The following SAMD8 variants were observed in gnomAD, a reference collection of about 807,000 sequenced individuals.
SAMD8 encodes the protein sterile alpha motif domain containing 8.
SAMD8 carries 20 observed loss-of-function variants against 42.0 expected under a neutral mutation model. That is an observed-to-expected ratio of 0.48 (90% CI 0.34 to 0.69). SAMD8 has a LOEUF of 0.69. SAMD8 is among the 30% of genes least tolerant of loss of function. The pLI, the probability that SAMD8 is intolerant of heterozygous loss-of-function variation, is 0.01. For synonymous variants in SAMD8, 162 were observed against 173.0 expected, an observed-to-expected ratio of 0.94 and a Z score of 0.50; for missense variants, 328 against 511.6, an observed-to-expected ratio of 0.64 and a Z score of 3.46.
At chr10:75,169,467 G>C (rs568504778) in intron 4 of SAMD8, among the ~76,000 whole-genome samples, 91 of 147,604 alleles carry the variant, frequency 6.2e-4, no homozygotes, top group Non-Finnish European at 1.1e-3. Context: ...GGGCAACAGA[G>C]CAAGACTCTG....
chr10:75,178,484 C>T lies in SAMD8; in HGVS notation c.*1792C>T, dbSNP rs371958705. 2.0e-5 allele frequency: 3 copies of T among 152,078 alleles called. No homozygotes were observed. The highest frequency in any genetic ancestry group is 6.6e-5 in the Admixed American group (1 of 15,256). The allele number at this position is 152,078 out of a possible 1,614,324, so 9.4% of individuals were successfully genotyped here. On this transcript the variant is annotated 3_prime_UTR_variant, in exon 6 of 6. Coordinates refer to ENST00000542569, the MANE Select transcript of SAMD8 (RefSeq NM_001174156.2). ...AAGATATGTTACTGTTATTTTTCTA[C>T]GTGACAGAACAGACTGAATTTAGCT...
At chr10:75,165,185 G>A (rs1840645848) in intron 3 of SAMD8, among the ~76,000 whole-genome samples, 2 of 152,188 alleles carry the variant, frequency 1.3e-5, no homozygotes, top group Non-Finnish European at 2.9e-5. Context: ...AGCTACTTGG[G>A]AGGCTGAGGC....
chr10:75,105,280 C>CA (rs1848424494), intron 1 of SAMD8, among the ~76,000 whole-genome samples: 1 of 152,170 alleles, frequency 6.6e-6, no homozygotes, highest in Non-Finnish European at 1.5e-5. Context: ...GGGGAGCCCC[C>CA]ACAGGCTTTC....
upstream of SAMD8, chr10:75,109,251 CAG>C: frequency 1.4e-6 from 2 of 1,410,806 alleles, no homozygotes; most frequent in Non-Finnish European, 1.9e-6. Flanking sequence ...GGACAGGTGA[CAG>C]AAGCAAGTGA....
At chr10:75,100,415 G>A (rs969324019) in intron 1 of SAMD8, among the ~76,000 whole-genome samples, 2 of 152,056 alleles carry the variant, frequency 1.3e-5, no homozygotes, top group African/African-American at 4.8e-5. Flanking sequence ...AGTCAGGCCC[G>A]GCCACCCCCC....
At chr10:75,126,721 A>G (rs1352256424) in intron 1 of SAMD8, among the ~76,000 whole-genome samples, 1 of 150,450 alleles carries the variant, frequency 6.6e-6, no homozygotes, top group East Asian at 2.0e-4. Context: ...GGCTAATTTC[A>G]AACTCCTAGG....
chr10:75,161,031 G>C (rs1840545494), intron 2 of SAMD8, among the ~76,000 whole-genome samples: 1 of 152,008 alleles, frequency 6.6e-6, no homozygotes, highest in Non-Finnish European at 1.5e-5. Flanking sequence ...TTGCGCCACT[G>C]TACTGCAGCC....
chr10:75,172,184 A>C (rs1166101091), intron 4 of SAMD8, among the ~76,000 whole-genome samples: 1 of 151,912 alleles, frequency 6.6e-6, no homozygotes, highest in East Asian at 1.9e-4. Flanking sequence ...TTATGTTCTT[A>C]TTTTTTTATA....
At chr10:75,170,908 G>A (rs1809954717) in intron 4 of SAMD8, among the ~76,000 whole-genome samples, 1 of 150,540 alleles carries the variant, frequency 6.6e-6, no homozygotes, top group Admixed American at 6.6e-5. Flanking sequence ...CGAGTAGCTG[G>A]GACCATCACA....
chr10:75,111,266 G>A (rs1848760511), upstream of SAMD8, among the ~76,000 whole-genome samples: 1 of 152,190 alleles, frequency 6.6e-6, no homozygotes, highest in South Asian at 2.1e-4. Flanking sequence ...CTCCTTCTAG[G>A]CCCTAACCCC....
chr10:75,133,523 T>C (rs755208603), intron 1 of SAMD8, among the ~76,000 whole-genome samples: 19 of 152,240 alleles, frequency 1.2e-4, no homozygotes, highest in Admixed American at 2.0e-4. Context: ...ATTGCAGCAC[T>C]ATTCACAATA....
intron 1 of SAMD8, among the ~76,000 whole-genome samples, chr10:75,119,887 G>T (rs1848965818): frequency 6.6e-6 from 1 of 152,108 alleles, no homozygotes; most frequent in Non-Finnish European, 1.5e-5. Context: ...CCAACATGGT[G>T]AAACCTCGTC....
At chr10:75,172,411 G>A (rs914348700) in intron 4 of SAMD8, among the ~76,000 whole-genome samples, 3 of 151,862 alleles carry the variant, frequency 2.0e-5, no homozygotes, top group Non-Finnish European at 4.4e-5. Flanking sequence ...ATAGCTCACT[G>A]TCAGCCTAAA....
chr10:75,127,531 A>G (rs1350684585), intron 1 of SAMD8, among the ~76,000 whole-genome samples: 1 of 152,222 alleles, frequency 6.6e-6, no homozygotes, highest in African/African-American at 2.4e-5. Flanking sequence ...CACGTAGAAC[A>G]GTTCCTCAGA....
At chr10:75,165,452 C>T (rs1236606523) in intron 3 of SAMD8, among the ~76,000 whole-genome samples, 5 of 151,720 alleles carry the variant, frequency 3.3e-5, no homozygotes, top group Non-Finnish European at 5.9e-5. Context: ...AGGCGGATCA[C>T]GAGGTCAGGA....
intron 1 of SAMD8, among the ~76,000 whole-genome samples, chr10:75,132,711 A>G (rs1482466281): frequency 2.6e-5 from 4 of 151,092 alleles, no homozygotes; most frequent in Admixed American, 1.3e-4. Flanking sequence ...TTTTTTTGCC[A>G]GCTATGGTGG....
chr10:75,168,427 CA>C (rs1401116819), intron 3 of SAMD8, 113 bp from the exon 4 acceptor site: 26 of 1,514,348 alleles, frequency 1.7e-5, no homozygotes, highest in Non-Finnish European at 2.3e-5. Context: ...CTGTCCTCTT[CA>C]AAGAGTCTAG....
At chr10:75,131,171 T>C (rs1849265860) in intron 1 of SAMD8, among the ~76,000 whole-genome samples, 1 of 152,232 alleles carries the variant, frequency 6.6e-6, no homozygotes, top group Non-Finnish European at 1.5e-5. Context: ...GTTAGTTTCC[T>C]TCTGTTATCC....
At chr10:75,165,260 T>A (rs1467693024) in intron 3 of SAMD8, among the ~76,000 whole-genome samples, 6 of 152,052 alleles carry the variant, frequency 3.9e-5, no homozygotes, top group Non-Finnish European at 8.8e-5. Flanking sequence ...GCCTTTTCTT[T>A]CCTTAGAAAC....
Sources: allele counts gnomAD v4.1 joint callset (sites outside exome capture counted in the v4.1 genomes callset), GRCh38; gene constraint gnomAD v4.1.1; transcripts MANE v1.5; gene names NCBI Gene and HGNC (gene_info 2026-07-23, HGNC 2026-07-21).